The following RYR3 variants were observed in gnomAD, a reference collection of about 807,000 sequenced individuals.
RYR3 encodes the protein ryanodine receptor 3.
In RYR3, 207 loss-of-function variants were observed where a neutral mutation model predicts 584.3. The observed-to-expected ratio is 0.35, with a 90% CI of 0.32 to 0.40. The LOEUF (loss-of-function observed/expected upper bound fraction) is 0.40. RYR3 is among the 10% of genes least tolerant of loss of function. The probability of loss-of-function intolerance (pLI) is 1.00; values close to 1 mark genes in which losing one functional copy is unlikely to be tolerated. For missense variants in RYR3, 5,616 were observed against 6,089.2 expected (o/e 0.92, Z 2.59); for synonymous variants, 2,416 against 2,248.5 (o/e 1.07, Z -2.11).
chr15:33,736,249 C>G lies in RYR3; in HGVS notation c.7439C>G (p.Ser2480Cys), dbSNP rs751488366. 6.2e-7 allele frequency: 1 copy of G among 1,611,456 alleles called. No homozygotes were observed. Among genetic ancestry groups the G allele is most frequent in the Admixed American group, 1.7e-5 (1 of 59,998 alleles). ...TCATACTGCAGTCACTTGAGGCCTT[C>G]CATGTTACAGCAACTCCTGCGACGC... ...LLAICNHLRP[S>C]MLQQLLRRLV... The change falls in exon 49 of 104, where the codon TCC becomes TGC. Residue 2480 changes from serine (S) to cysteine (C), a missense_variant. This residue lies in a region of RYR3 where 1,280 missense variants were observed against 1,426.2 expected (regional missense o/e 0.90). Coordinates refer to ENST00000634891, the MANE Select transcript of RYR3 (RefSeq NM_001036.6).
chr15:33,657,352 T>A (rs914760699), intron 32 of RYR3, among the ~76,000 whole-genome samples: 18 of 152,230 alleles, frequency 1.2e-4, no homozygotes, highest in African/African-American at 4.3e-4. Flanking sequence ...ACTGGTGTGA[T>A]TCGACTGAAT....
intron 45 of RYR3, 80 bp from the exon 46 acceptor site, chr15:33,726,305 AC>A: frequency 1.3e-6 from 2 of 1,537,010 alleles, no homozygotes; most frequent in Non-Finnish European, 8.9e-7. Context: ...AAGCCGTTTT[AC>A]TGCCAGAGGT....
At chr15:33,807,697 G>C in intron 70 of RYR3, 128 bp downstream of exon 70, 1 of 911,666 alleles carries the variant, frequency 1.1e-6, no homozygotes, top group African/African-American at 1.6e-5. Context: ...GGTCCCCCAG[G>C]CCTGCTCCAG....
At chr15:33,391,931 ACTTG>A (rs2042022289) in intron 1 of RYR3, among the ~76,000 whole-genome samples, 1 of 151,868 alleles carries the variant, frequency 6.6e-6, no homozygotes. Context: ...CACCCACTCT[ACTTG>A]CTTAATCCTA....
At position 33,602,733 on chromosome 15, in the gene RYR3, C is replaced by CTT. The variant is rs10578832; in HGVS notation, c.1923-362_1923-361dup. ...TTGAGGGTCCTAAGCTTTTTCTAGT[C>CTT]TTTTTTTTTTTTTTTTTTTTTTTTT... On this transcript the variant is annotated intron_variant, in intron 17 of 103. Transcript: ENST00000634891. Among the ~76,000 whole-genome samples, 97 of 75,236 alleles carry CTT rather than the reference C, an allele frequency of 1.3e-3. 5 individuals carry two copies. The highest frequency in any genetic ancestry group is 3.0e-3 in the African/African-American group (53 of 17,726). The allele number at this position is 75,236 out of a possible 152,430, so 49.4% of individuals were successfully genotyped here.
intron 38 of RYR3, among the ~76,000 whole-genome samples, chr15:33,685,960 T>G (rs56011046): frequency 0.014 from 2,187 of 152,278 alleles, 55 homozygotes; most frequent in African/African-American, 0.05. Context: ...GAGGGAAATT[T>G]ATAGCACTAA....
intron 69 of RYR3, among the ~76,000 whole-genome samples, chr15:33,804,246 A>G (rs1389836521): frequency 6.6e-6 from 1 of 152,164 alleles, no homozygotes; most frequent in East Asian, 1.9e-4. Flanking sequence ...GCCACATGGG[A>G]TAGGGTCAAA....
At chr15:33,725,974 C>CCG (rs571518638) in intron 45 of RYR3, among the ~76,000 whole-genome samples, 1,569 of 37,642 alleles carry the variant, frequency 0.042, 219 homozygotes, top group Admixed American at 0.13. Context: ...CATCCCCCCC[C>CCG]CCAAAAAAAA....
intron 60 of RYR3, among the ~76,000 whole-genome samples, chr15:33,763,298 C>T (rs544722784): frequency 2.6e-5 from 4 of 152,160 alleles, no homozygotes; most frequent in Admixed American, 2.0e-4. Context: ...AGCTTCTGCA[C>T]AGCAAAAGAA....
At chr15:33,376,010 G>A (rs1356612212) in intron 1 of RYR3, among the ~76,000 whole-genome samples, 1 of 152,174 alleles carries the variant, frequency 6.6e-6, no homozygotes, top group Non-Finnish European at 1.5e-5. Flanking sequence ...CTTACAGTGA[G>A]CCGAGATCGC....
intron 65 of RYR3, among the ~76,000 whole-genome samples, chr15:33,783,932 A>G (rs1159982307): frequency 1.3e-5 from 2 of 152,092 alleles, no homozygotes; most frequent in Non-Finnish European, 2.9e-5. Flanking sequence ...TTTGGCTTTC[A>G]TGCTATTAAT....
chr15:33,801,224 GTTA>G (rs755910151), intron 68 of RYR3, among the ~76,000 whole-genome samples: 4 of 152,190 alleles, frequency 2.6e-5, no homozygotes, highest in Non-Finnish European at 5.9e-5. Flanking sequence ...ATCAGAAAGA[GTTA>G]TTATCTAAAA....
chr15:33,374,745 A>G (rs1370232345), intron 1 of RYR3, among the ~76,000 whole-genome samples: 1 of 152,210 alleles, frequency 6.6e-6, no homozygotes, highest in African/African-American at 2.4e-5. Context: ...TAAACATTCA[A>G]CGAACAGAAA....
chr15:33,596,428 G>A (rs976283893), intron 16 of RYR3, among the ~76,000 whole-genome samples: 5 of 146,272 alleles, frequency 3.4e-5, no homozygotes, highest in South Asian at 2.1e-4. Flanking sequence ...TAAAACTGCC[G>A]TTGCAAAATT....
rs561197015 is a variant in RYR3 at position 33,803,183 on chromosome 15, C to T, written c.10011+1222C>T. ...GAGTTTATAGTATACTCTAAGTATA[C>T]ACTTTTAGTATGCATTGCTTGATAA... On this transcript the variant is annotated intron_variant, in intron 69 of 103. Coordinates refer to ENST00000634891, the MANE Select transcript of RYR3 (RefSeq NM_001036.6). Among the ~76,000 whole-genome samples, 13 of 152,336 alleles carry T rather than the reference C, an allele frequency of 8.5e-5. No homozygotes were observed. In the South Asian group the frequency reaches 2.1e-3, roughly 24 times the overall value.
intron 24 of RYR3, among the ~76,000 whole-genome samples, chr15:33,633,492 T>C (rs1309242700): frequency 6.6e-6 from 1 of 152,158 alleles, no homozygotes; most frequent in African/African-American, 2.4e-5. Flanking sequence ...AGCTAGAAAT[T>C]AGAAAGAGTT....
chr15:33,329,729 A>T (rs1970155216), intron 1 of RYR3, among the ~76,000 whole-genome samples: 1 of 152,178 alleles, frequency 6.6e-6, no homozygotes, highest in African/African-American at 2.4e-5. Context: ...AATTTGACAA[A>T]GGATAGTCTA....
intron 1 of RYR3, among the ~76,000 whole-genome samples, chr15:33,324,206 G>T (rs1283718433): frequency 6.6e-6 from 1 of 152,122 alleles, no homozygotes; most frequent in East Asian, 1.9e-4. Context: ...CATCCTCTTG[G>T]ATTATGACAT....
rs2068346666 is a variant in RYR3, at chr15:33,725,718, G to A, written c.6913-668G>A. 2.6e-5 allele frequency among the ~76,000 whole-genome samples: 4 copies of A among 151,574 alleles called. No individual in the cohort carries two copies. The South Asian group carries it at 8.4e-4, about 32-fold the overall frequency. ...TTTACGCCTGTGATCCCAGCACTTTGGGAGGCCGAGATGGGCAGATCACGA... is the reference window on the plus strand; with the variant it reads ...TTTACGCCTGTGATCCCAGCACTTTAGGAGGCCGAGATGGGCAGATCACGA... On this transcript the variant is annotated intron_variant, in intron 45 of 103. Coordinates refer to ENST00000634891, the MANE Select transcript of RYR3 (RefSeq NM_001036.6).
Sources: gnomAD v4.1 joint callset for allele counts (sites outside exome capture counted in the v4.1 genomes callset) on GRCh38, gnomAD v4.1.1 for gene constraint, gnomAD v4.1.1 regional missense constraint, MANE v1.5 for transcripts, NCBI Gene and HGNC (gene_info 2026-07-23, HGNC 2026-07-21) for gene names.